Variants in TNRC6B observed in about 807,000 individuals in gnomAD.
TNRC6B encodes trinucleotide repeat containing adaptor 6B.
In TNRC6B, 52 loss-of-function variants were observed where a neutral mutation model predicts 203.6. That is an observed-to-expected ratio of 0.26 (90% confidence interval 0.20 to 0.32). The LOEUF (loss-of-function observed/expected upper bound fraction) is 0.32, where lower values mean the gene tolerates loss of function less well. TNRC6B is among the 10% of genes least tolerant of loss of function. The probability of loss-of-function intolerance (pLI) is 1.00; values close to 1 mark genes in which losing one functional copy is unlikely to be tolerated. For synonymous variants in TNRC6B, 838 were observed against 845.7 expected (o/e 0.99, Z 0.16); for missense variants, 1,923 against 2,286.2 (o/e 0.84, Z 3.24).
intron 1 of TNRC6B, among the ~76,000 whole-genome samples, chr22:40,052,802 C>G (rs1027808485): frequency 6.6e-6 from 1 of 152,168 alleles, no homozygotes; most frequent in African/African-American, 2.4e-5. Flanking sequence ...AGGCATTTAT[C>G]TTACCCGCTT....
chr22:40,277,331 C>G (rs1233449592), intron 8 of TNRC6B, among the ~76,000 whole-genome samples, 180 bp downstream of exon 8: 1 of 152,132 alleles, frequency 6.6e-6, no homozygotes, highest in Non-Finnish European at 1.5e-5. Flanking sequence ...ATGACATACT[C>G]CAACATTTAA....
At chr22:40,253,833 T>C (rs753636330) in intron 3 of TNRC6B, among the ~76,000 whole-genome samples, 23 of 151,908 alleles carry the variant, frequency 1.5e-4, no homozygotes, top group Non-Finnish European at 3.2e-4. Flanking sequence ...CTTCTTCTCT[T>C]ACCTCAGCTG....
rs1273851166 is a variant in TNRC6B, at chr22:40,330,127, AT to A, written c.*6888del. 4.6e-5 allele frequency: 7 copies of A among 152,232 alleles called. No homozygotes were observed. Among genetic ancestry groups the A allele is most frequent in the Admixed American group, 1.3e-4 (2 of 15,288 alleles). 9.4% of individuals were successfully genotyped at this position (152,232 alleles called of 1,614,324 possible). A position where few individuals can be genotyped will look rare whatever the true frequency, so the allele number is the denominator to read the frequency against. On this transcript the variant is annotated 3_prime_UTR_variant, in exon 23 of 23. Coordinates refer to ENST00000454349, the MANE Select transcript of TNRC6B (RefSeq NM_001162501.2). Reference sequence around the variant, plus strand: ...CTGTAAATCATTGCTTTGGAAATAAATTCCCAATTATAATTGACCCATATCT... The same window carrying A: ...CTGTAAATCATTGCTTTGGAAATAAATCCCAATTATAATTGACCCATATCT...
chr22:40,122,016 A>G (rs996345025), intron 2 of TNRC6B, among the ~76,000 whole-genome samples: 2 of 152,240 alleles, frequency 1.3e-5, no homozygotes, highest in Non-Finnish European at 2.9e-5. Context: ...CCTGGCCTTA[A>G]CAGAAGCCTC....
intron 21 of TNRC6B, 88 bp downstream of exon 21, chr22:40,316,100 A>G (rs2071253810): frequency 7.9e-7 from 1 of 1,259,364 alleles, no homozygotes; most frequent in African/African-American, 1.5e-5. Context: ...CATGCCTGTA[A>G]TCCAAGCACT....
At chr22:40,176,052 A>C (rs1472760017), upstream of TNRC6B, among the ~76,000 whole-genome samples, 1 of 151,806 alleles carries the variant, frequency 6.6e-6, no homozygotes, top group East Asian at 1.9e-4. Flanking sequence ...GGAGAAGCAC[A>C]CTAGGGAATC....
intron 3 of TNRC6B, among the ~76,000 whole-genome samples, chr22:40,139,354 G>A (rs1214046991): frequency 6.4e-5 from 9 of 141,404 alleles, no homozygotes; most frequent in South Asian, 2.2e-4. Context: ...TTGAGATGGA[G>A]TCTTGCTCTA....
In TNRC6B at chr22:40,200,278, C is replaced by CTTTTTTTTTTT. The variant is rs59067007; in HGVS notation, c.5+22152_5+22162dup. Among the ~76,000 whole-genome samples, 5 of 75,510 alleles carry CTTTTTTTTTTT rather than the reference C, an allele frequency of 6.6e-5. 1 individual carries two copies. The highest frequency in any genetic ancestry group is 9.0e-5 in the Non-Finnish European group (4 of 44,212). 49.5% of individuals were successfully genotyped at this position (75,510 alleles called of 152,430 possible). ...TTAAAATAATTTAAAAAGTAATATT[C>CTTTTTTTTTTT]TTTTTTTTTTTTTTTTTTTTTTTTG... On this transcript the variant is annotated intron_variant, in intron 1 of 22. Coordinates refer to ENST00000454349, the MANE Select transcript of TNRC6B (RefSeq NM_001162501.2).
chr22:40,181,509 C>A (rs1267841974), intron 1 of TNRC6B, among the ~76,000 whole-genome samples: 1 of 152,252 alleles, frequency 6.6e-6, no homozygotes, highest in African/African-American at 2.4e-5. Context: ...TTGTCCCTTT[C>A]CTCAAGGAGT....
chr22:40,284,051 G>A (rs1420043096), intron 11 of TNRC6B, among the ~76,000 whole-genome samples: 1 of 152,194 alleles, frequency 6.6e-6, no homozygotes, highest in African/African-American at 2.4e-5. Context: ...AGGTGATCAG[G>A]GTGGCGAAGC....
chr22:40,103,488 G>A (rs73424251), intron 1 of TNRC6B, among the ~76,000 whole-genome samples: 8,624 of 152,152 alleles, frequency 0.057, 781 homozygotes, highest in African/African-American at 0.19. Context: ...CATTCATGTT[G>A]TAGTATCAGT....
chr22:40,292,173 G>A (rs1233557845), intron 12 of TNRC6B, among the ~76,000 whole-genome samples: 2 of 150,712 alleles, frequency 1.3e-5, no homozygotes, highest in Non-Finnish European at 3.0e-5. Context: ...CAGCTTGGGC[G>A]ACAGAGCAAG....
intron 15 of TNRC6B, among the ~76,000 whole-genome samples, chr22:40,301,853 T>C (rs1479505922): frequency 6.6e-6 from 1 of 152,170 alleles, no homozygotes; most frequent in Non-Finnish European, 1.5e-5. Context: ...GCCAGCAGTC[T>C]TTCAATACGT....
intron 1 of TNRC6B, among the ~76,000 whole-genome samples, chr22:40,109,835 C>G (rs1436483064): frequency 2.6e-5 from 4 of 152,158 alleles, no homozygotes; most frequent in Admixed American, 2.0e-4. Flanking sequence ...CTCAGCTTAG[C>G]GCTTAGCTTT....
intron 1 of TNRC6B, among the ~76,000 whole-genome samples, chr22:40,182,040 C>T (rs777205220): frequency 4.6e-5 from 7 of 150,590 alleles, no homozygotes; most frequent in African/African-American, 9.8e-5. Flanking sequence ...GTCAGGAGTT[C>T]GAGACCAGCC....
intron 1 of TNRC6B, among the ~76,000 whole-genome samples, chr22:40,212,774 G>A (rs529337836): frequency 1.3e-5 from 2 of 152,052 alleles, no homozygotes; most frequent in East Asian, 1.9e-4. Context: ...TCAGCCTTCC[G>A]AGTACCTGGG....
intron 1 of TNRC6B, among the ~76,000 whole-genome samples, chr22:40,234,245 C>T (rs533692947): frequency 2.0e-5 from 3 of 152,174 alleles, no homozygotes; most frequent in Non-Finnish European, 4.4e-5. Context: ...ATGATCACAC[C>T]ATTGCATTCC....
At chr22:40,214,759 G>A (rs1174794800) in intron 1 of TNRC6B, among the ~76,000 whole-genome samples, 1 of 151,922 alleles carries the variant, frequency 6.6e-6, no homozygotes, top group Non-Finnish European at 1.5e-5. Flanking sequence ...TTGCTATATT[G>A]CCCAGATTGG....
intron 12 of TNRC6B, among the ~76,000 whole-genome samples, chr22:40,294,829 A>T (rs1178429393): frequency 6.6e-6 from 1 of 152,198 alleles, no homozygotes; most frequent in African/African-American, 2.4e-5. Context: ...GATGAAGAGG[A>T]GTTGTTATCT....
Sources: gnomAD v4.1 joint callset for allele counts (sites outside exome capture counted in the v4.1 genomes callset) on GRCh38, gnomAD v4.1.1 for gene constraint, MANE v1.5 for transcripts, NCBI Gene and HGNC (gene_info 2026-07-23, HGNC 2026-07-21) for gene names.